The following EXOC4 variants were observed in gnomAD, a reference collection of about 807,000 sequenced individuals.
EXOC4 encodes SEC8-like 1.
EXOC4 carries 71 observed loss-of-function variants against 107.2 expected under a neutral mutation model. The ratio of observed to expected loss-of-function variants is 0.66; its 90% CI spans 0.55 to 0.81. The LOEUF (loss-of-function observed/expected upper bound fraction) is 0.81. Among genes scored for constraint, EXOC4 ranks in the 30% least tolerant of loss-of-function variants. The pLI is 0.00. For synonymous variants in EXOC4, 456 were observed against 441.2 expected (o/e 1.03, Z -0.42); for missense variants, 1,108 against 1,189.6 (o/e 0.93, Z 1.01).
At chr7:133,784,934 C>G (rs1796538158) in intron 10 of EXOC4, among the ~76,000 whole-genome samples, 1 of 152,202 alleles carries the variant, frequency 6.6e-6, no homozygotes, top group African/African-American at 2.4e-5. Flanking sequence ...AACAGCTGTG[C>G]TGTTTCGGGC....
chr7:133,259,324 C>T (rs1052541635), intron 1 of EXOC4, among the ~76,000 whole-genome samples: 18 of 151,360 alleles, frequency 1.2e-4, no homozygotes, highest in Non-Finnish European at 1.5e-5. Context: ...CCTCCGCCTC[C>T]TGGGTTCAAG....
chr7:133,307,247 A>AG (rs914422182), intron 4 of EXOC4, among the ~76,000 whole-genome samples: 4 of 152,212 alleles, frequency 2.6e-5, no homozygotes, highest in African/African-American at 9.6e-5. Context: ...TTCAGCAGAT[A>AG]GGCACTAGAA....
chr7:133,267,673 C>A (rs971531663), intron 1 of EXOC4, among the ~76,000 whole-genome samples: 2 of 152,192 alleles, frequency 1.3e-5, no homozygotes, highest in Non-Finnish European at 2.9e-5. Flanking sequence ...GCCCTTAGAA[C>A]TGTGCCTGGT....
intron 5 of EXOC4, among the ~76,000 whole-genome samples, chr7:133,353,034 C>T (rs2150650577): frequency 6.6e-6 from 1 of 152,120 alleles, no homozygotes; most frequent in Non-Finnish European, 1.5e-5. Flanking sequence ...GCATTAGCCT[C>T]TTAAATGATG....
intron 9 of EXOC4, among the ~76,000 whole-genome samples, chr7:133,515,179 G>T (rs1482758694): frequency 6.6e-6 from 1 of 152,054 alleles, no homozygotes; most frequent in East Asian, 1.9e-4. Context: ...GGAGGATAAA[G>T]AACTGGACCA....
chr7:133,619,560 C>T (rs76749736), intron 9 of EXOC4, among the ~76,000 whole-genome samples: 1 of 152,148 alleles, frequency 6.6e-6, no homozygotes, highest in African/African-American at 2.4e-5. Context: ...GGATTCTCAG[C>T]TAGCCAACCA....
intron 7 of EXOC4, among the ~76,000 whole-genome samples, chr7:133,394,480 C>A (rs990348638): frequency 6.6e-6 from 1 of 151,952 alleles, no homozygotes; most frequent in Non-Finnish European, 1.5e-5. Context: ...TTGGAGTAAA[C>A]CCTAGTTAAT....
chr7:133,545,082 T>C (rs1378214730), intron 9 of EXOC4, among the ~76,000 whole-genome samples: 1 of 152,098 alleles, frequency 6.6e-6, no homozygotes, highest in African/African-American at 2.4e-5. Flanking sequence ...CTTCAACAAT[T>C]CCCTTGTCTA....
chr7:133,472,357 A>G (rs941837296), intron 7 of EXOC4, among the ~76,000 whole-genome samples: 1 of 152,182 alleles, frequency 6.6e-6, no homozygotes, highest in East Asian at 1.9e-4. Context: ...GGAGTTGAGG[A>G]ACAGTCATTA....
chr7:133,844,378 C>CTTTTTTTTTTTTTTTTTTT (rs761535651), intron 11 of EXOC4, among the ~76,000 whole-genome samples: 5 of 83,392 alleles, frequency 6.0e-5, no homozygotes, highest in African/African-American at 2.9e-4. Flanking sequence ...CCACATATTC[C>CTTTTTTTTTTTTTTTTTTT]TTTTTTTTTT....
At chr7:133,281,257 C>G (rs376026443) in intron 2 of EXOC4, among the ~76,000 whole-genome samples, 1 of 150,690 alleles carries the variant, frequency 6.6e-6, no homozygotes, top group South Asian at 2.1e-4. Flanking sequence ...ACAATGTGCA[C>G]ATGTACCCTA....
intron 1 of EXOC4, among the ~76,000 whole-genome samples, chr7:133,259,466 A>T (rs1795093561): frequency 6.6e-6 from 1 of 152,030 alleles, no homozygotes; most frequent in Non-Finnish European, 1.5e-5. Flanking sequence ...ACCTTAGGTG[A>T]TTGGCCTGCC....
intron 9 of EXOC4, among the ~76,000 whole-genome samples, chr7:133,498,720 G>A (rs1354620998): frequency 1.3e-5 from 2 of 152,184 alleles, no homozygotes; most frequent in Non-Finnish European, 2.9e-5. Flanking sequence ...ACTAGAGTGA[G>A]TTAAAGGTAT....
chr7:133,485,089 ATAAAT>A lies in EXOC4; in HGVS notation c.1417+4952_1417+4956del, dbSNP rs746215891. ...AGCGAGACTCCGTCTCAAAAAATAA[ATAAAT>A]AAATAAATAAATAAATAAATAAATA... On this transcript the variant is annotated intron_variant, in intron 9 of 17. Coordinates refer to ENST00000253861, the MANE Select transcript of EXOC4 (RefSeq NM_021807.4). 2.9e-3 allele frequency among the ~76,000 whole-genome samples: 379 copies of A among 131,770 alleles called. 6 individuals carry two copies. Among genetic ancestry groups the A allele is most frequent in the Non-Finnish European group, 3.5e-3 (224 of 63,680 alleles). The allele number at this position is 131,770 out of a possible 152,430, so 86.4% of individuals were successfully genotyped here.
chr7:133,304,474 C>G (rs1794709396), intron 3 of EXOC4, among the ~76,000 whole-genome samples: 1 of 152,174 alleles, frequency 6.6e-6, no homozygotes, highest in South Asian at 2.1e-4. Flanking sequence ...CTCTCCCATT[C>G]CTTGATTCTT....
intron 7 of EXOC4, among the ~76,000 whole-genome samples, chr7:133,456,733 A>T (rs750690533): frequency 3.3e-5 from 5 of 152,172 alleles, no homozygotes; most frequent in Non-Finnish European, 7.3e-5. Context: ...GAAGGACATG[A>T]TAGGTGGTTT....
At chr7:133,720,144 C>A (rs367721103) in intron 10 of EXOC4, among the ~76,000 whole-genome samples, 1 of 152,204 alleles carries the variant, frequency 6.6e-6, no homozygotes, top group Admixed American at 6.5e-5. Flanking sequence ...GTGAATCTAC[C>A]CCTGAAATAA....
rs540699745 is a variant in EXOC4 at position 133,389,389 on chromosome 7, G to T, written c.1182+14387G>T. Among the ~76,000 whole-genome samples the T allele has an allele frequency of 1.3e-4, 20 of 152,036 alleles. No individual in the cohort carries two copies. In the East Asian group the frequency reaches 3.7e-3, roughly 28 times the overall value. On this transcript the variant is annotated intron_variant, in intron 7 of 17. Transcript: ENST00000253861. ...AGTTCAAGACCAACCTGGCCAACAT[G>T]GTGAAACCCTGTCTCTACTAAAAAT...
chr7:133,645,929 A>G (rs2151029422), intron 10 of EXOC4, among the ~76,000 whole-genome samples: 1 of 152,286 alleles, frequency 6.6e-6, no homozygotes, highest in East Asian at 1.9e-4. Flanking sequence ...TGCAATCTTT[A>G]TTGCTTTATG....
Sources: gnomAD v4.1 joint callset for allele counts (sites outside exome capture counted in the v4.1 genomes callset) on GRCh38, gnomAD v4.1.1 for gene constraint, MANE v1.5 for transcripts, NCBI Gene and HGNC (gene_info 2026-07-23, HGNC 2026-07-21) for gene names.